DPYSL5: variants seen among roughly 807,000 people sequenced by gnomAD.
DPYSL5 encodes the protein dihydropyrimidinase like 5, also known as dihydropyrimidinase-related protein 5.
A neutral mutation model predicts 58.4 loss-of-function variants in DPYSL5; 9 were observed. The observed-to-expected ratio is 0.15, with a 90% confidence interval of 0.09 to 0.27. DPYSL5 has a LOEUF of 0.27. DPYSL5 is among the 10% of genes least tolerant of loss of function. The probability of loss-of-function intolerance (pLI) is 1.00; values close to 1 mark genes in which losing one functional copy is unlikely to be tolerated. For synonymous variants in DPYSL5, 293 were observed against 301.9 expected, an observed-to-expected ratio of 0.97 and a Z score of 0.31; for missense variants, 499 against 770.6, an observed-to-expected ratio of 0.65 and a Z score of 4.17.
chr2:26,884,358 C>A (rs1282763871), intron 1 of DPYSL5, among the ~76,000 whole-genome samples: 5 of 152,170 alleles, frequency 3.3e-5, no homozygotes, highest in Non-Finnish European at 7.3e-5. Flanking sequence ...GGGTCCTCAG[C>A]CTGCCCAGGC....
chr2:26,902,805 C>T (rs1167981801), intron 2 of DPYSL5, among the ~76,000 whole-genome samples: 1 of 152,130 alleles, frequency 6.6e-6, no homozygotes. Context: ...GTAAAGAAGC[C>T]GGCCAGGTCC....
At chr2:26,916,045 T>G (rs1199591192) in intron 2 of DPYSL5, among the ~76,000 whole-genome samples, 2 of 152,110 alleles carry the variant, frequency 1.3e-5, no homozygotes. Flanking sequence ...CAGCTCTATC[T>G]CCATGTGTCT....
intron 1 of DPYSL5, among the ~76,000 whole-genome samples, chr2:26,889,510 T>A (rs1663815920): frequency 6.6e-6 from 1 of 152,058 alleles, no homozygotes. Flanking sequence ...GACCTCATGA[T>A]CCACCTGCCT....
At chr2:26,856,361 G>A (rs1031453649) in intron 1 of DPYSL5, among the ~76,000 whole-genome samples, 2 of 152,088 alleles carry the variant, frequency 1.3e-5, no homozygotes, top group African/African-American at 4.8e-5. Flanking sequence ...AATCAGCTTT[G>A]CCTATTTTTG....
chr2:26,869,103 T>C (rs1186638402), intron 1 of DPYSL5, among the ~76,000 whole-genome samples: 1 of 152,134 alleles, frequency 6.6e-6, no homozygotes, highest in African/African-American at 2.4e-5. Flanking sequence ...TAGCTGGGAC[T>C]ATGGGTGCAC....
rs1664858913 is a variant in DPYSL5 at position 26,927,566 on chromosome 2, A to G, written c.600+134A>G. 9.1e-7 allele frequency: 1 copy of G among 1,094,852 alleles called. No individual in the cohort carries two copies. 67.8% of individuals were successfully genotyped at this position (1,094,852 alleles called of 1,614,324 possible). On this transcript the variant is annotated intron_variant, in intron 4 of 12. Transcript: ENST00000288699. This position sits in a 1 kb window ranked among gnomAD's most constrained non-coding sequence, Gnocchi z 4.3. Reference sequence around the variant, plus strand: ...AGTTGTTAAAGTGTGAGGTGTGGACACCCCAGCTGTCAGATCTTGGTCAGA... The same window carrying G: ...AGTTGTTAAAGTGTGAGGTGTGGACGCCCCAGCTGTCAGATCTTGGTCAGA...
At chr2:26,914,474 C>T (rs1664515661) in intron 2 of DPYSL5, among the ~76,000 whole-genome samples, 1 of 152,198 alleles carries the variant, frequency 6.6e-6, no homozygotes, top group African/African-American at 2.4e-5. Flanking sequence ...GCCAGTGCCC[C>T]TTTGTACTTA....
chr2:26,851,071 A>G (rs1665738570), intron 1 of DPYSL5, among the ~76,000 whole-genome samples: 1 of 152,226 alleles, frequency 6.6e-6, no homozygotes, highest in South Asian at 2.1e-4. Flanking sequence ...GAGTACATAA[A>G]TACTAGGAAT....
chr2:26,911,211 T>G (rs1664432272), intron 2 of DPYSL5, among the ~76,000 whole-genome samples: 3 of 152,112 alleles, frequency 2.0e-5, no homozygotes, highest in African/African-American at 7.2e-5. Context: ...CTTCTTTTGA[T>G]CTGTTTGTCT....
chr2:26,925,119 G>A lies in DPYSL5; in HGVS notation c.420+74G>A. On this transcript the variant is annotated intron_variant, in intron 3 of 12. Transcript: ENST00000288699. The surrounding 1 kb of genome is among the most constrained non-coding windows in gnomAD (Gnocchi z 4.5). ...GCAGAGGGGCTGGTTGGGGTGCAGT[G>A]CCTCCTGCTTGTGTGGGGCACCCCT... 4.5e-6 allele frequency: 7 copies of A among 1,548,846 alleles called. No homozygotes were observed. The South Asian group carries it at 8.5e-5, about 19-fold the overall frequency.
chr2:26,899,038 T>C (rs1043660087), intron 2 of DPYSL5, among the ~76,000 whole-genome samples: 1 of 152,222 alleles, frequency 6.6e-6, no homozygotes, highest in African/African-American at 2.4e-5. Flanking sequence ...TATATCTTTA[T>C]GTCATGTAAT....
intron 1 of DPYSL5, among the ~76,000 whole-genome samples, chr2:26,858,141 A>G (rs1456728410): frequency 2.6e-5 from 4 of 151,626 alleles, no homozygotes; most frequent in Non-Finnish European, 5.9e-5. Context: ...TTGTCTTTAT[A>G]CAAACAAGTG....
chr2:26,872,284 G>T (rs1663281715), intron 1 of DPYSL5, among the ~76,000 whole-genome samples: 1 of 152,206 alleles, frequency 6.6e-6, no homozygotes, highest in South Asian at 2.1e-4. Flanking sequence ...GCTAAAGGAT[G>T]CACAAGACAT....
chr2:26,949,584 T>C lies in DPYSL5; in HGVS notation c.*2589T>C, dbSNP rs1665581446. ...CGGTGGTGGCCAGCTGGGCAGAGCA[T>C]CCTTGCTTGGGCTAGGAAAGCTTTA... On this transcript the variant is annotated 3_prime_UTR_variant, in exon 13 of 13. Coordinates refer to ENST00000288699, the MANE Select transcript of DPYSL5 (RefSeq NM_020134.4). The C allele has an allele frequency of 6.6e-6, 1 of 152,326 alleles. No individual in the cohort carries two copies. The highest frequency in any genetic ancestry group is 1.5e-5 in the Non-Finnish European group (1 of 68,148). 9.4% of individuals were successfully genotyped at this position (152,326 alleles called of 1,614,324 possible). A position where few individuals can be genotyped will look rare whatever the true frequency, so the allele number is the denominator to read the frequency against.
chr2:26,941,134 A>G (rs899073198), intron 9 of DPYSL5, among the ~76,000 whole-genome samples: 10 of 151,372 alleles, frequency 6.6e-5, no homozygotes, highest in African/African-American at 2.4e-4. Flanking sequence ...GCGGGTTTTC[A>G]CCATGTTGGT....
At chr2:26,916,222 C>T (rs1398808503) in intron 2 of DPYSL5, among the ~76,000 whole-genome samples, 2 of 152,158 alleles carry the variant, frequency 1.3e-5, no homozygotes, top group Non-Finnish European at 1.5e-5. Context: ...CCAACCCAGG[C>T]TCCAGTCAGG....
intron 1 of DPYSL5, among the ~76,000 whole-genome samples, chr2:26,890,090 G>T (rs559690378): frequency 1.3e-5 from 2 of 152,290 alleles, no homozygotes; most frequent in East Asian, 3.9e-4. Context: ...TCACCATGCA[G>T]CTAGTCTTAC....
chr2:26,876,722 G>C (rs1409028401), intron 1 of DPYSL5, among the ~76,000 whole-genome samples: 1 of 151,966 alleles, frequency 6.6e-6, no homozygotes, highest in African/African-American at 2.4e-5. Context: ...CACCCTATTG[G>C]CCAGGCTGGT....
At chr2:26,886,690 C>T (rs973580521) in intron 1 of DPYSL5, among the ~76,000 whole-genome samples, 2 of 152,196 alleles carry the variant, frequency 1.3e-5, no homozygotes, top group African/African-American at 2.4e-5. Context: ...ATTTCCCACT[C>T]ATCTCAAACT....
Sources: gnomAD v4.1 joint callset for allele counts (sites outside exome capture counted in the v4.1 genomes callset) on GRCh38, gnomAD v4.1.1 for gene constraint, Gnocchi (gnomAD v3.1) non-coding constraint, MANE v1.5 for transcripts, NCBI Gene and HGNC (gene_info 2026-07-23, HGNC 2026-07-21) for gene names.